C5orf58: variants seen among roughly 807,000 people sequenced by gnomAD.
C5orf58 encodes the protein chromosome 5 open reading frame 58.
A neutral mutation model predicts 2.9 loss-of-function variants in C5orf58; 2 were observed. The observed-to-expected ratio is 0.69, with a 90% CI of 0.28 to 2.18. C5orf58 has a LOEUF of 2.18. C5orf58 is among the 30% of genes most tolerant of loss of function. C5orf58 has a pLI of 0.13. For missense variants in C5orf58, 96 were observed against 91.7 expected, an observed-to-expected ratio of 1.05 and a Z score of -0.19; for synonymous variants, 37 against 33.4, an observed-to-expected ratio of 1.11 and a Z score of -0.37.
Position 170,246,056 on chromosome 5 carries a change from C to G in C5orf58, c.189C>G (p.Leu63=). Residue 63 remains leucine, a synonymous_variant, in exon 4 of 4, where the codon CTC becomes CTG. Transcript: ENST00000593851. ...NLAEAERNNP[L]FEESKISDVS... ...CAGAAGCAGAAAGAAACAACCCCCT[C>G]TTTGAAGAGTCTAAAATATCAGATG... 1 of 1,613,574 alleles carries G rather than the reference C, an allele frequency of 6.2e-7. No homozygotes were observed. Among genetic ancestry groups the G allele is most frequent in the Non-Finnish European group, 8.5e-7 (1 of 1,179,600 alleles).
chr5:170,237,288 C>G (rs1333452337), intron 3 of C5orf58: 2 of 398,290 alleles, frequency 5.0e-6, no homozygotes, highest in East Asian at 3.6e-5. Context: ...AGCAGCCAAC[C>G]TTTACAGAAT....
At chr5:170,250,680 A>C, downstream of C5orf58, 1 of 1,452,016 alleles carries the variant, frequency 6.9e-7, no homozygotes, top group African/African-American at 1.4e-5. Context: ...AGGCATGCAG[A>C]GTGGCATAAA....
chr5:170,250,014 C>A (rs995557098), downstream of C5orf58, among the ~76,000 whole-genome samples: 1 of 152,140 alleles, frequency 6.6e-6, no homozygotes, highest in African/African-American at 2.4e-5. Context: ...TTTTTCTATT[C>A]ATTAACATTA....
chr5:170,239,826 C>T (rs1041284460), intron 3 of C5orf58, among the ~76,000 whole-genome samples: 4 of 151,764 alleles, frequency 2.6e-5, no homozygotes. Context: ...GCACATTGTG[C>T]AGGTTAGTTA....
downstream of C5orf58, among the ~76,000 whole-genome samples, chr5:170,250,472 T>A (rs1260942000): frequency 3.3e-5 from 5 of 152,252 alleles, no homozygotes; most frequent in African/African-American, 4.8e-5. Context: ...TTTTTTTAAG[T>A]TAACATAGTT....
chr5:170,250,777 T>C (rs1761420273), downstream of C5orf58: 1 of 1,613,132 alleles, frequency 6.2e-7, no homozygotes, highest in African/African-American at 1.3e-5. Context: ...TGACTTTCCT[T>C]CTGATAACGG....
chr5:170,242,467 G>A (rs1761055797), intron 3 of C5orf58, among the ~76,000 whole-genome samples: 1 of 128,690 alleles, frequency 7.8e-6, no homozygotes, highest in Non-Finnish European at 1.6e-5. Context: ...CCTGTTATTG[G>A]TCTATTCAGA....
intron 3 of C5orf58, among the ~76,000 whole-genome samples, chr5:170,238,132 A>G (rs554834780): frequency 6.6e-5 from 10 of 152,226 alleles, no homozygotes; most frequent in Non-Finnish European, 1.3e-4. Context: ...CTAAGGCACA[A>G]CAGATACTTG....
chr5:170,249,414 A>G (rs1019040662), downstream of C5orf58, among the ~76,000 whole-genome samples: 17 of 150,880 alleles, frequency 1.1e-4, no homozygotes, highest in African/African-American at 3.9e-4. Context: ...ATGTAATTTG[A>G]AATGCATATA....
At chr5:170,241,992 T>A (rs1761033133) in intron 3 of C5orf58, among the ~76,000 whole-genome samples, 1 of 148,126 alleles carries the variant, frequency 6.8e-6, no homozygotes. Context: ...CATGAAGGGT[T>A]GTTGAATTTT....
chr5:170,244,993 C>T (rs1761195564), intron 3 of C5orf58, among the ~76,000 whole-genome samples: 2 of 152,250 alleles, frequency 1.3e-5, no homozygotes, highest in Admixed American at 1.3e-4. Flanking sequence ...AGTTTTCCTT[C>T]TGACACACAG....
At chr5:170,242,743 T>G (rs1761073460) in intron 3 of C5orf58, among the ~76,000 whole-genome samples, 1 of 151,138 alleles carries the variant, frequency 6.6e-6, no homozygotes, top group Admixed American at 6.6e-5. Flanking sequence ...CTGGATTCAT[T>G]AATTTTTGAA....
At position 170,246,230 on chromosome 5, in the gene C5orf58, C is replaced by A; in HGVS notation, c.*117C>A. On this transcript the variant is annotated 3_prime_UTR_variant, in exon 4 of 4. Coordinates refer to ENST00000593851, the MANE Select transcript of C5orf58 (RefSeq NM_001102609.3). The stretch of plus-strand genomic sequence containing the variant: ...ACAAAATAAAAATAATGTAAACAAG[C>A]AGTTCATGTTCTTGAAGGCTGTTTA... The A allele has an allele frequency of 2.3e-6, 2 of 855,716 alleles. No individual in the cohort carries two copies. The highest frequency in any genetic ancestry group is 3.4e-6 in the Non-Finnish European group (2 of 586,646). 53.0% of individuals were successfully genotyped at this position (855,716 alleles called of 1,614,324 possible).
rs957998 is a variant in C5orf58, at chr5:170,234,990, G to A, written c.14G>A (p.Arg5His). ...TTTTAAAATCAGATGGGTAAGAAGC[G>A]TGTTACTGATCATAAGCTAAATGTG... The part of the protein sequence containing the change: MGKK[R>H]VTDHKLNVDK... The change falls in exon 3 of 4, where the codon CGT (arginine) becomes CAT (histidine). Residue 5 changes from arginine to histidine, a missense_variant. Transcript: ENST00000593851. The A allele has an allele frequency of 1.7e-5, 26 of 1,506,976 alleles. No individual in the cohort carries two copies. Among genetic ancestry groups the A allele is most frequent in the African/African-American group, 1.5e-4 (11 of 72,638 alleles). The allele number at this position is 1,506,976 out of a possible 1,614,324, so 93.4% of individuals were successfully genotyped here.
chr5:170,252,465 T>C (rs1761466735), downstream of C5orf58: 1 of 1,589,684 alleles, frequency 6.3e-7, no homozygotes, highest in Non-Finnish European at 8.6e-7. Context: ...AGCTTCTGCC[T>C]CTGGTCGGGT....
At chr5:170,247,196 A>G (rs1761318019), downstream of C5orf58, 1 of 152,212 alleles carries the variant, frequency 6.6e-6, no homozygotes, top group Non-Finnish European at 1.5e-5. Context: ...TACTTGCTGA[A>G]TAGCCCGTTG....
chr5:170,234,277 C>A, intron 2 of C5orf58, 79 bp downstream of exon 2: 1 of 834,094 alleles, frequency 1.2e-6, no homozygotes, highest in Non-Finnish European at 1.8e-6. Flanking sequence ...GTTGTGTATG[C>A]TAATTGAGAT....
chr5:170,248,830 C>T, downstream of C5orf58: 3 of 1,610,964 alleles, frequency 1.9e-6, no homozygotes, highest in Non-Finnish European at 2.5e-6. Flanking sequence ...CTGAAAGAGT[C>T]AAGATAGGGA....
downstream of C5orf58, chr5:170,248,677 A>T: frequency 6.3e-7 from 1 of 1,577,176 alleles, no homozygotes; most frequent in Non-Finnish European, 8.6e-7. Flanking sequence ...AGGACGGTTC[A>T]TTTGCTCGGC....
Sources: allele counts gnomAD v4.1 joint callset (sites outside exome capture counted in the v4.1 genomes callset), GRCh38; gene constraint gnomAD v4.1.1; transcripts MANE v1.5; gene names NCBI Gene and HGNC (gene_info 2026-07-23, HGNC 2026-07-21).